The following GLIS3 variants were observed in gnomAD, a reference collection of about 807,000 sequenced individuals.
The protein encoded by GLIS3 is zinc finger protein GLIS3.
Under a neutral mutation model 78.6 loss-of-function variants are expected in GLIS3, and 53 were observed. The ratio of observed to expected loss-of-function variants is 0.67; its 90% CI spans 0.54 to 0.85. The LOEUF (loss-of-function observed/expected upper bound fraction) is 0.85, where lower values mean the gene tolerates loss of function less well. Among genes scored for constraint, GLIS3 ranks in the 40% least tolerant of loss-of-function variants. The probability of loss-of-function intolerance (pLI) is 0.00; values close to 1 mark genes in which losing one functional copy is unlikely to be tolerated. For synonymous variants in GLIS3, 684 were observed against 509.9 expected (o/e 1.34, Z -4.60); for missense variants, 1,703 against 1,231.1 (o/e 1.38, Z -5.74).
chr9:4,077,660 G>A (rs1387331649), intron 4 of GLIS3, among the ~76,000 whole-genome samples: 2 of 152,066 alleles, frequency 1.3e-5, no homozygotes, highest in South Asian at 2.1e-4. Context: ...CCTTTGCCAG[G>A]GTAGTCCCTG....
chr9:4,218,573 C>T (rs960707596), intron 2 of GLIS3, among the ~76,000 whole-genome samples: 19 of 152,170 alleles, frequency 1.2e-4, no homozygotes, highest in Admixed American at 5.9e-4. Context: ...CCACCGCGCC[C>T]GGCCTTGAAC....
chr9:4,320,591 TCA>T (rs1817509659), intron 2 of GLIS3, among the ~76,000 whole-genome samples: 1 of 152,098 alleles, frequency 6.6e-6, no homozygotes, highest in African/African-American at 2.4e-5. Flanking sequence ...AAACCCATCA[TCA>T]TCACCAGCAC....
At chr9:3,863,045 T>A (rs1310132588) in intron 8 of GLIS3, among the ~76,000 whole-genome samples, 1 of 152,142 alleles carries the variant, frequency 6.6e-6, no homozygotes, top group Non-Finnish European at 1.5e-5. Flanking sequence ...GGAATCCTTT[T>A]CAAAACTTAA....
At chr9:4,399,989 G>T in the GLIS3 span, among the ~76,000 whole-genome samples, 2 of 152,196 alleles carry the variant, frequency 1.3e-5, no homozygotes, top group Non-Finnish European at 2.9e-5. Context: ...GAGTGGGATG[G>T]CGAGTGAGGA....
chr9:4,396,761 C>A, the GLIS3 span, among the ~76,000 whole-genome samples: 1 of 152,128 alleles, frequency 6.6e-6, no homozygotes, highest in Non-Finnish European at 1.5e-5. Context: ...GGACATACCT[C>A]GTTAGTCCTT....
chr9:4,463,359 T>C, the GLIS3 span, among the ~76,000 whole-genome samples: 1 of 152,186 alleles, frequency 6.6e-6, no homozygotes, highest in Non-Finnish European at 1.5e-5. Flanking sequence ...ATTCTTAAAC[T>C]TTTATTTGGG....
intron 4 of GLIS3, among the ~76,000 whole-genome samples, chr9:4,107,793 C>T (rs569011975): frequency 6.6e-6 from 1 of 151,096 alleles, no homozygotes; most frequent in Non-Finnish European, 1.5e-5. Context: ...TCTGAGGAGC[C>T]AGAGACAACA....
chr9:4,334,201 G>C lies in GLIS3; in HGVS notation n.264+12880C>G, dbSNP rs534197307. On this transcript the variant is annotated intron_variant and non_coding_transcript_variant, in intron 2 of 4. Coordinates refer to the GLIS3 transcript ENST00000471664. The stretch of plus-strand genomic sequence containing the variant: ...CTACAGGTAAAGAAACTGAGTAAAG[G>C]GGACAGTGAAAGACCATCTGATAGT... 4.6e-5 allele frequency among the ~76,000 whole-genome samples: 7 copies of C among 152,278 alleles called. No individual in the cohort carries two copies. In the East Asian group the frequency reaches 1.2e-3, roughly 25 times the overall value.
At chr9:4,110,093 G>A (rs1321079601) in intron 4 of GLIS3, among the ~76,000 whole-genome samples, 2 of 152,030 alleles carry the variant, frequency 1.3e-5, no homozygotes, top group East Asian at 3.9e-4. Context: ...GTATCCCCCG[G>A]GTAAGGTATG....
intron 8 of GLIS3, among the ~76,000 whole-genome samples, chr9:3,858,253 T>C (rs2130259947): frequency 6.6e-6 from 1 of 152,290 alleles, no homozygotes; most frequent in South Asian, 2.1e-4. Context: ...GACACAGAGA[T>C]GTGTGAATGG....
chr9:4,285,787 T>C (rs1045625544), intron 2 of GLIS3: 2 of 510,578 alleles, frequency 3.9e-6, no homozygotes, highest in East Asian at 3.5e-5. Flanking sequence ...CTATTTTTTA[T>C]CTTTCTATCT....
rs971559631 is a variant in GLIS3 at position 3,829,497 on chromosome 9, A to G, written c.2474-5T>C. ...TCTGCAGCTGCCCATAAAATCCTGA[A>G]ACGCAAGCATGGCATTGAGCACAAG... On this transcript the variant is annotated splice_region_variant and splice_polypyrimidine_tract_variant and intron_variant, in intron 9 of 10. Coordinates refer to ENST00000381971, the MANE Select transcript of GLIS3 (RefSeq NM_001042413.2). The G allele has an allele frequency of 6.2e-7, 1 of 1,613,866 alleles. No homozygotes were observed. The highest frequency in any genetic ancestry group is 8.5e-7 in the Non-Finnish European group (1 of 1,179,954).
At chr9:4,435,425 G>A in the GLIS3 span, among the ~76,000 whole-genome samples, 1 of 152,128 alleles carries the variant, frequency 6.6e-6, no homozygotes, top group Non-Finnish European at 1.5e-5. Context: ...TTTTTCACTT[G>A]CATGTGGAGC....
At chr9:4,350,238 C>T (rs529259211), upstream of GLIS3, among the ~76,000 whole-genome samples, 154 of 152,288 alleles carry the variant, frequency 1.0e-3, no homozygotes, top group African/African-American at 3.6e-3. Flanking sequence ...CCGCAAGGCA[C>T]CTATTCACCA....
chr9:4,440,187 T>C, the GLIS3 span, among the ~76,000 whole-genome samples: 1 of 152,218 alleles, frequency 6.6e-6, no homozygotes, highest in Non-Finnish European at 1.5e-5. Flanking sequence ...AGAAGTTTTT[T>C]AGTTTGTTGT....
intron 2 of GLIS3, among the ~76,000 whole-genome samples, chr9:4,273,057 T>C (rs1826662137): frequency 6.6e-6 from 1 of 152,208 alleles, no homozygotes; most frequent in African/African-American, 2.4e-5. Context: ...AAACTGAAAA[T>C]ATAGAGCTTT....
At chr9:4,484,249 T>G in the GLIS3 span, among the ~76,000 whole-genome samples, 1 of 145,238 alleles carries the variant, frequency 6.9e-6, no homozygotes, top group Non-Finnish European at 1.5e-5. Context: ...ATTTTTTTTA[T>G]TTTTTTGAGA....
the GLIS3 span, among the ~76,000 whole-genome samples, chr9:4,403,171 T>A: frequency 1.2e-4 from 18 of 152,270 alleles, no homozygotes; most frequent in South Asian, 3.7e-3. Context: ...CATGACATAT[T>A]TAAAATGCTG....
At chr9:4,301,696 G>T (rs186251529), upstream of GLIS3, among the ~76,000 whole-genome samples, 9 of 152,144 alleles carry the variant, frequency 5.9e-5, no homozygotes, top group African/African-American at 2.2e-4. Context: ...CAATGGTTTT[G>T]ATGCATAGAA....
Sources: allele counts gnomAD v4.1 joint callset (sites outside exome capture counted in the v4.1 genomes callset), GRCh38; gene constraint gnomAD v4.1.1; transcripts MANE v1.5; gene names NCBI Gene and HGNC (gene_info 2026-07-23, HGNC 2026-07-21).